Variants in CCBE1 observed in about 807,000 individuals in gnomAD.
CCBE1 encodes collagen and calcium-binding EGF domain-containing protein 1.
Under a neutral mutation model 50.0 loss-of-function variants are expected in CCBE1, and 37 were observed. The ratio of observed to expected loss-of-function variants is 0.74; its 90% CI spans 0.57 to 0.97. The LOEUF is 0.97. Ranked by LOEUF, CCBE1 falls within the 50% of genes least tolerant of loss-of-function variation. The pLI, the probability that CCBE1 is intolerant of heterozygous loss-of-function variation, is 0.00. For synonymous variants in CCBE1, 234 were observed against 203.7 expected, an observed-to-expected ratio of 1.15 and a Z score of -1.27; for missense variants, 538 against 523.8, an observed-to-expected ratio of 1.03 and a Z score of -0.26.
At chr18:59,467,009 G>C (rs1911782987) in intron 4 of CCBE1, 118 bp from the exon 5 acceptor site, 1 of 871,190 alleles carries the variant, frequency 1.1e-6, no homozygotes, top group Non-Finnish European at 1.9e-6. Context: ...GGCCGACCTT[G>C]ATCAGAGCAG....
At chr18:59,582,708 C>G (rs2144513499) in intron 2 of CCBE1, among the ~76,000 whole-genome samples, 1 of 152,322 alleles carries the variant, frequency 6.6e-6, no homozygotes, top group Non-Finnish European at 1.5e-5. Context: ...TACTATCTAC[C>G]CTGCTCCCAA....
chr18:59,600,486 C>A (rs905853276), intron 2 of CCBE1, among the ~76,000 whole-genome samples: 15 of 152,288 alleles, frequency 9.8e-5, no homozygotes, highest in African/African-American at 3.6e-4. Flanking sequence ...CCATCCCCCA[C>A]CTCTGGTCTG....
intron 2 of CCBE1, among the ~76,000 whole-genome samples, chr18:59,507,444 C>T (rs539883487): frequency 2.0e-5 from 3 of 152,370 alleles, no homozygotes; most frequent in Admixed American, 2.0e-4. Flanking sequence ...TATGACCTTC[C>T]TCATGCCATG....
intron 2 of CCBE1, among the ~76,000 whole-genome samples, chr18:59,587,305 T>G (rs2053192336): frequency 6.6e-6 from 1 of 152,224 alleles, no homozygotes; most frequent in Non-Finnish European, 1.5e-5. Flanking sequence ...TGTGGTCAGC[T>G]TGGGTTTATT....
intron 2 of CCBE1, among the ~76,000 whole-genome samples, chr18:59,659,250 A>C (rs2054249845): frequency 6.6e-6 from 1 of 151,990 alleles, no homozygotes; most frequent in Non-Finnish European, 1.5e-5. Flanking sequence ...ACTGAAGTTG[A>C]GGCATATTCC....
chr18:59,666,568 G>T (rs1339549653), intron 2 of CCBE1, among the ~76,000 whole-genome samples: 1 of 151,976 alleles, frequency 6.6e-6, no homozygotes, highest in Non-Finnish European at 1.5e-5. Context: ...GAGAGGGTTT[G>T]CTGCTACCAT....
At chr18:59,672,224 G>A (rs1003940138) in intron 2 of CCBE1, among the ~76,000 whole-genome samples, 5 of 152,146 alleles carry the variant, frequency 3.3e-5, no homozygotes, top group African/African-American at 9.7e-5. Context: ...CATGATCCAT[G>A]GGGTGGTGGG....
chr18:59,592,209 T>C (rs1480918022), intron 2 of CCBE1, among the ~76,000 whole-genome samples: 1 of 152,188 alleles, frequency 6.6e-6, no homozygotes, highest in Non-Finnish European at 1.5e-5. Context: ...CACTCCAACC[T>C]GGGCAACACA....
chr18:59,474,343 T>C (rs933645545), intron 3 of CCBE1, among the ~76,000 whole-genome samples: 2 of 152,250 alleles, frequency 1.3e-5, no homozygotes, highest in Admixed American at 6.5e-5. Context: ...AACAGATTAA[T>C]AGAATCTGTT....
chr18:59,518,200 C>A (rs1220850599), intron 2 of CCBE1, among the ~76,000 whole-genome samples: 1 of 152,148 alleles, frequency 6.6e-6, no homozygotes, highest in Admixed American at 6.5e-5. Flanking sequence ...ATTAAGAGAA[C>A]AAAGCTGGCT....
rs144256272 is a variant in CCBE1, at chr18:59,681,701, T to C, written c.212+14928A>G. On this transcript the variant is annotated intron_variant, in intron 2 of 10. Coordinates refer to ENST00000439986, the MANE Select transcript of CCBE1 (RefSeq NM_133459.4). ...GCAGATAGCAGCCCACTTTAAAGCA[T>C]AGACCTGGGGAGTAAAAAGACTTTT... 1.2e-3 allele frequency among the ~76,000 whole-genome samples: 177 copies of C among 152,282 alleles called. 1 individual carries two copies. In the South Asian group the frequency reaches 0.03, roughly 26 times the overall value.
At chr18:59,513,998 CACA>C (rs758357334) in intron 2 of CCBE1, among the ~76,000 whole-genome samples, 19 of 152,216 alleles carry the variant, frequency 1.2e-4, no homozygotes, top group Admixed American at 1.3e-4. Context: ...CCCCAGTAGC[CACA>C]ACGAGAACAG....
At chr18:59,624,226 T>A (rs2053748149) in intron 2 of CCBE1, among the ~76,000 whole-genome samples, 2 of 152,228 alleles carry the variant, frequency 1.3e-5, no homozygotes, top group South Asian at 4.1e-4. Context: ...ACTATTGATG[T>A]TTCATTCTTA....
intron 2 of CCBE1, among the ~76,000 whole-genome samples, chr18:59,613,037 A>C (rs1186140051): frequency 1.3e-5 from 2 of 152,090 alleles, no homozygotes; most frequent in African/African-American, 2.4e-5. Context: ...AATTCGGAGA[A>C]GACAGACCTA....
At chr18:59,567,237 G>A (rs1016160516) in intron 2 of CCBE1, among the ~76,000 whole-genome samples, 1 of 151,852 alleles carries the variant, frequency 6.6e-6, no homozygotes, top group Non-Finnish European at 1.5e-5. Context: ...TCCTGCTTCA[G>A]CCTCCCAAGT....
intron 5 of CCBE1, among the ~76,000 whole-genome samples, chr18:59,462,221 C>G (rs558441380): frequency 6.6e-6 from 1 of 152,286 alleles, no homozygotes; most frequent in South Asian, 2.1e-4. Context: ...AGAAAACACT[C>G]CTCTCTGGAC....
chr18:59,508,832 T>G lies in CCBE1; in HGVS notation c.213-28594A>C, dbSNP rs902961313. On this transcript the variant is annotated intron_variant, in intron 2 of 10. Coordinates refer to ENST00000439986, the MANE Select transcript of CCBE1 (RefSeq NM_133459.4). ...CCTGGGATCAAGCAATCCTCTCACCTCAGCCTCCTGAGTAGCTGGGACTAT... is the reference window on the plus strand; with the variant it reads ...CCTGGGATCAAGCAATCCTCTCACCGCAGCCTCCTGAGTAGCTGGGACTAT... 2.1e-5 allele frequency among the ~76,000 whole-genome samples: 3 copies of G among 146,290 alleles called. No homozygotes were observed. The East Asian group carries it at 6.8e-4, about 33-fold the overall frequency.
intron 2 of CCBE1, among the ~76,000 whole-genome samples, chr18:59,525,819 G>A (rs1914796493): frequency 6.6e-6 from 1 of 151,100 alleles, no homozygotes; most frequent in Non-Finnish European, 1.5e-5. Context: ...TGACTAGCCA[G>A]TTCTCTGAAC....
intron 5 of CCBE1, chr18:59,455,232 T>C (rs1911135236): frequency 3.9e-6 from 2 of 515,828 alleles, no homozygotes; most frequent in African/African-American, 1.9e-5. Flanking sequence ...TGTGTGAAAA[T>C]GCGTACCATG....
Sources: allele counts gnomAD v4.1 joint callset (sites outside exome capture counted in the v4.1 genomes callset), GRCh38; gene constraint gnomAD v4.1.1; transcripts MANE v1.5; gene names NCBI Gene and HGNC (gene_info 2026-07-23, HGNC 2026-07-21).